The following SAMHD1 variants were observed in gnomAD, a reference collection of about 807,000 sequenced individuals.
SAMHD1 encodes the protein SAM and HD domain containing deoxynucleoside triphosphate triphosphohydrolase 1, also known as deoxynucleoside triphosphate triphosphohydrolase SAMHD1.
Under a neutral mutation model 79.6 loss-of-function variants are expected in SAMHD1, and 54 were observed. The observed-to-expected ratio is 0.68, with a 90% CI of 0.55 to 0.85. The LOEUF (loss-of-function observed/expected upper bound fraction) is 0.85, where lower values mean the gene tolerates loss of function less well. SAMHD1 is among the 40% of genes least tolerant of loss of function. The probability of loss-of-function intolerance (pLI) is 0.00; values close to 1 mark genes in which losing one functional copy is unlikely to be tolerated. For synonymous variants in SAMHD1, 260 were observed against 264.1 expected, an observed-to-expected ratio of 0.98 and a Z score of 0.15; for missense variants, 663 against 782.7, an observed-to-expected ratio of 0.85 and a Z score of 1.82.
rs750807433 is a variant in SAMHD1 at position 36,919,513 on chromosome 20, G to A, written c.703C>T (p.Gln235Ter). Residue 235 changes from glutamine to a stop codon, truncating the protein, a stop_gained, in exon 7 of 16, where the codon CAA (glutamine) becomes TAA (stop). Coordinates refer to ENST00000646673, the MANE Select transcript of SAMHD1 (RefSeq NM_015474.4). LOFTEE classifies it high-confidence loss of function. ...ARPEVKWTHE[Q>*]GSVMMFEHLI... ...TGCTCAAACATCATAACTGAGCCTTGTTCATGCTAGGAAAAGTAAGCACAA... is the reference window on the plus strand; with the variant it reads ...TGCTCAAACATCATAACTGAGCCTTATTCATGCTAGGAAAAGTAAGCACAA... 7 of 1,613,146 alleles carry A rather than the reference G, an allele frequency of 4.3e-6. No individual in the cohort carries two copies. Among genetic ancestry groups the A allele is most frequent in the Non-Finnish European group, 4.2e-6 (5 of 1,179,802 alleles).
At chr20:36,940,943 A>T in intron 3 of SAMHD1, 96 bp downstream of exon 3, 2 of 890,932 alleles carry the variant, frequency 2.2e-6, no homozygotes, top group Non-Finnish European at 3.7e-6. Context: ...TATCACTGAG[A>T]AGCAGATTTC....
At chr20:36,907,944 C>A (rs2063414605) in intron 11 of SAMHD1, among the ~76,000 whole-genome samples, 1 of 151,840 alleles carries the variant, frequency 6.6e-6, no homozygotes, top group Non-Finnish European at 1.5e-5. Context: ...GATGCCATCT[C>A]AGCTAATTGC....
rs1054655374 is a variant in SAMHD1 at position 36,917,382 on chromosome 20, G to A, written c.853-333C>T. ...AAAATATAAAATCTAGGCCAGGCAT[G>A]GTGGCTCACGCCTGTAATCTCATCA... On this transcript the variant is annotated intron_variant, in intron 7 of 15. Coordinates refer to ENST00000646673, the MANE Select transcript of SAMHD1 (RefSeq NM_015474.4). Among the ~76,000 whole-genome samples, 7 of 152,282 alleles carry A rather than the reference G, an allele frequency of 4.6e-5. No individual in the cohort carries two copies. In the South Asian group the frequency reaches 1.5e-3, roughly 32 times the overall value.
chr20:36,930,677 G>C, intron 5 of SAMHD1, 83 bp downstream of exon 5: 2 of 905,122 alleles, frequency 2.2e-6, no homozygotes, highest in Non-Finnish European at 3.7e-6. Flanking sequence ...ATATTCTCTT[G>C]GTTGATCTGA....
At chr20:36,898,318 G>A in intron 14 of SAMHD1, 122 bp downstream of exon 14, 1 of 783,614 alleles carries the variant, frequency 1.3e-6, no homozygotes, top group Non-Finnish European at 2.2e-6. Context: ...ATGAGCTACT[G>A]TGCCAGGCCC....
chr20:36,917,246 A>G (rs1278655557), intron 7 of SAMHD1, 197 bp from the exon 8 acceptor site: 2 of 591,554 alleles, frequency 3.4e-6, no homozygotes, highest in South Asian at 4.1e-5. Flanking sequence ...ATGCTAAGGT[A>G]TATGATACCC....
At chr20:36,901,256 C>T (rs556041000) in intron 13 of SAMHD1, among the ~76,000 whole-genome samples, 18 of 152,038 alleles carry the variant, frequency 1.2e-4, no homozygotes, top group Non-Finnish European at 2.4e-4. Flanking sequence ...CCTCCACCTC[C>T]TGGGCTCAAG....
intron 2 of SAMHD1, among the ~76,000 whole-genome samples, chr20:36,943,448 T>C (rs1044802747): frequency 6.6e-6 from 1 of 152,192 alleles, no homozygotes; most frequent in African/African-American, 2.4e-5. Context: ...ACAATACAGC[T>C]CTAAGGAGTC....
intron 12 of SAMHD1, 138 bp downstream of exon 12, chr20:36,905,226 C>T: frequency 1.1e-6 from 1 of 931,178 alleles, no homozygotes; most frequent in Non-Finnish European, 1.8e-6. Context: ...GGCCTAAGAC[C>T]CCTGCACTAC....
At chr20:36,920,681 T>G (rs2063498965) in intron 6 of SAMHD1, among the ~76,000 whole-genome samples, 1 of 151,730 alleles carries the variant, frequency 6.6e-6, no homozygotes, top group Admixed American at 6.6e-5. Context: ...GACAATCACT[T>G]GAACCCAGGA....
At chr20:36,893,685 C>G (rs1298246885) in intron 15 of SAMHD1, 1 of 389,018 alleles carries the variant, frequency 2.6e-6, no homozygotes, top group African/African-American at 2.1e-5. Context: ...CTGTTCTGAA[C>G]TTGTGGGTAG....
At chr20:36,898,694 A>G in intron 13 of SAMHD1, 150 bp from the exon 14 acceptor site, 1 of 669,938 alleles carries the variant, frequency 1.5e-6, no homozygotes, top group Non-Finnish European at 2.7e-6. Flanking sequence ...TGGGTGAATC[A>G]CGAGGTCAGG....
intron 9 of SAMHD1, among the ~76,000 whole-genome samples, chr20:36,915,930 C>T (rs1041036172): frequency 5.3e-5 from 8 of 151,900 alleles, no homozygotes; most frequent in African/African-American, 1.9e-4. Context: ...GAGGCCGAGG[C>T]GGGCAGATCA....
At chr20:36,942,241 C>A (rs574779366) in intron 2 of SAMHD1, among the ~76,000 whole-genome samples, 11 of 152,224 alleles carry the variant, frequency 7.2e-5, no homozygotes, top group Middle Eastern at 3.4e-3. Context: ...CATGGAGAAA[C>A]CCCGTCTCTT....
rs2063595667 is a variant in SAMHD1, at chr20:36,935,189, C to T, written c.349G>A (p.Val117Ile). 1 of 1,611,000 alleles carries T rather than the reference C, an allele frequency of 6.2e-7. No individual in the cohort carries two copies. The highest frequency in any genetic ancestry group is 2.2e-5 in the East Asian group (1 of 44,860). Residue 117 changes from valine to isoleucine, a missense_variant and splice_region_variant, in exon 4 of 16, where the codon GTA (valine) becomes ATA (isoleucine). Physicochemically the swap from Val to Ile is conservative, Grantham distance 29. Transcript: ENST00000646673. ...TGGCCATGGATAGGATCATTAATTA[C>T]CTAGAAAATTATGTTTAATTAATAC... Reference protein sequence around the residue: ...LVQIHVDTMKVINDPIHGHIE... With the variant: ...LVQIHVDTMKIINDPIHGHIE...
chr20:36,916,160 CAAAA>C (rs888889988), intron 9 of SAMHD1, among the ~76,000 whole-genome samples: 5 of 142,550 alleles, frequency 3.5e-5, no homozygotes, highest in African/African-American at 1.3e-4. Flanking sequence ...GACTCCGTCT[CAAAA>C]AAAAAAAGAG....
chr20:36,940,676 A>T, intron 3 of SAMHD1: 1 of 315,642 alleles, frequency 3.2e-6, no homozygotes, highest in Non-Finnish European at 6.1e-6. Flanking sequence ...TCCAGCCTAG[A>T]TGACAGAGCA....
intron 6 of SAMHD1, among the ~76,000 whole-genome samples, chr20:36,921,952 G>A (rs1383418397): frequency 2.0e-5 from 3 of 152,116 alleles, no homozygotes; most frequent in Non-Finnish European, 4.4e-5. Flanking sequence ...GCCTCCCAAA[G>A]TGCTGGGATT....
intron 6 of SAMHD1, among the ~76,000 whole-genome samples, chr20:36,922,593 G>C (rs2063512512): frequency 6.6e-6 from 1 of 152,172 alleles, no homozygotes; most frequent in Admixed American, 6.6e-5. Flanking sequence ...GCCCAGGCTG[G>C]TGTTGAACTC....
Sources: allele counts gnomAD v4.1 joint callset (sites outside exome capture counted in the v4.1 genomes callset), GRCh38; gene constraint gnomAD v4.1.1; transcripts MANE v1.5; gene names NCBI Gene and HGNC (gene_info 2026-07-23, HGNC 2026-07-21).